Variants in MAGI1 observed in about 807,000 individuals in gnomAD.
The protein encoded by MAGI1 is membrane associated guanylate kinase, WW and PDZ domain containing 1, also known as membrane-associated guanylate kinase, WW and PDZ domain-containing protein 1.
In MAGI1, 58 loss-of-function variants were observed where a neutral mutation model predicts 139.9. The observed-to-expected ratio is 0.41, with a 90% CI of 0.34 to 0.52. The LOEUF (loss-of-function observed/expected upper bound fraction) is 0.52. MAGI1 is among the 20% of genes least tolerant of loss of function. The pLI is 0.12. For missense variants in MAGI1, 1,874 were observed against 1,901.6 expected (o/e 0.99, Z 0.27); for synonymous variants, 812 against 737.9 (o/e 1.10, Z -1.63).
chr3:65,449,613 A>T (rs1488784115), intron 6 of MAGI1, among the ~76,000 whole-genome samples: 1 of 152,040 alleles, frequency 6.6e-6, no homozygotes, highest in Non-Finnish European at 1.5e-5. Flanking sequence ...CGACTCTATT[A>T]AAAATACAAA....
At position 65,470,294 on chromosome 3, in the gene MAGI1, G is replaced by C. The variant is rs1950482055; in HGVS notation, c.948C>G (p.Val316=). The change falls in exon 5 of 23, where the codon GTC becomes GTG. Residue 316 remains valine (V), a synonymous_variant. Coordinates refer to ENST00000402939, the MANE Select transcript of MAGI1 (RefSeq NM_001033057.2). ...ATGGTATACTTTACTCTATAAAATA[G>C]ACTTCTCCATTTTCAGTATAGGCCA... ...WEMAYTENGE[V]YFIDHNTKTT... 4.4e-6 allele frequency: 7 copies of C among 1,604,074 alleles called. No homozygotes were observed. Among genetic ancestry groups the C allele is most frequent in the Non-Finnish European group, 6.0e-6 (7 of 1,171,084 alleles).
intron 1 of MAGI1, among the ~76,000 whole-genome samples, chr3:65,725,636 A>G (rs1176489541): frequency 6.6e-6 from 1 of 152,206 alleles, no homozygotes; most frequent in Admixed American, 6.5e-5. Context: ...AAAAGAAGAA[A>G]TGCAAGGGAC....
At chr3:65,721,572 T>G (rs1032557207) in intron 1 of MAGI1, among the ~76,000 whole-genome samples, 2 of 152,206 alleles carry the variant, frequency 1.3e-5, no homozygotes, top group African/African-American at 4.8e-5. Context: ...AGACAAAACT[T>G]AAGCACTGAC....
chr3:66,024,588 C>T (rs1373723223), intron 1 of MAGI1, among the ~76,000 whole-genome samples: 1 of 151,680 alleles, frequency 6.6e-6, no homozygotes, highest in East Asian at 1.9e-4. Flanking sequence ...GGGCGGATCA[C>T]CTGAGGTCGG....
intron 1 of MAGI1, among the ~76,000 whole-genome samples, chr3:65,707,313 C>T (rs1435152152): frequency 1.3e-5 from 2 of 152,134 alleles, no homozygotes; most frequent in Non-Finnish European, 2.9e-5. Context: ...AGAATCAAAC[C>T]ATGCAATTGA....
At chr3:65,389,616 C>G (rs551413679) in intron 14 of MAGI1, among the ~76,000 whole-genome samples, 1 of 152,314 alleles carries the variant, frequency 6.6e-6, no homozygotes, top group Admixed American at 6.5e-5. Flanking sequence ...GAAATCACTA[C>G]AGTGAGCGAG....
intron 1 of MAGI1, among the ~76,000 whole-genome samples, chr3:65,949,480 C>CTACA (rs2063694819): frequency 6.6e-6 from 1 of 152,214 alleles, no homozygotes; most frequent in Non-Finnish European, 1.5e-5. Flanking sequence ...TTTACCAAGA[C>CTACA]TACAATCCCT....
intron 13 of MAGI1, among the ~76,000 whole-genome samples, chr3:65,399,214 T>C (rs1033304816): frequency 1.2e-4 from 18 of 152,206 alleles, no homozygotes; most frequent in African/African-American, 4.1e-4. Context: ...TCCTGCATAA[T>C]TGACCTTATG....
rs182990522 is a variant in MAGI1, at chr3:65,610,660, A to G, written c.430+11312T>C. On this transcript the variant is annotated intron_variant, in intron 2 of 22. Transcript: ENST00000402939. ...CAGAAACTGCAACTCCAATAATTCT[A>G]TAAGGTCTGTTTGTAATCTTATCCT... is the stretch of plus-strand genomic sequence containing the variant. Among the ~76,000 whole-genome samples, 27 of 150,600 alleles carry G rather than the reference A, an allele frequency of 1.8e-4. No individual in the cohort carries two copies. The East Asian group carries it at 4.5e-3, about 25-fold the overall frequency.
chr3:65,863,100 T>C (rs1315704230), intron 1 of MAGI1, among the ~76,000 whole-genome samples: 1 of 152,160 alleles, frequency 6.6e-6, no homozygotes, highest in African/African-American at 2.4e-5. Flanking sequence ...ATCCTCAAAA[T>C]CTTTGCTCTC....
At chr3:65,463,617 G>GT (rs1409051282) in intron 5 of MAGI1, among the ~76,000 whole-genome samples, 1 of 145,220 alleles carries the variant, frequency 6.9e-6, no homozygotes, top group Non-Finnish European at 1.5e-5. Flanking sequence ...CCAGGTTTTG[G>GT]TATCAGGATG....
At chr3:65,954,486 C>A (rs1282694643) in intron 1 of MAGI1, 1 of 152,540 alleles carries the variant, frequency 6.6e-6, no homozygotes, top group Admixed American at 6.6e-5. Flanking sequence ...TGTGACACGG[C>A]GGATCCGGAA....
intron 1 of MAGI1, among the ~76,000 whole-genome samples, chr3:65,914,896 T>C (rs1366757967): frequency 6.6e-6 from 1 of 152,124 alleles, no homozygotes; most frequent in East Asian, 1.9e-4. Flanking sequence ...TCCCCATCTA[T>C]AAAATGAAGA....
At chr3:65,797,267 C>T (rs2040207788) in intron 1 of MAGI1, among the ~76,000 whole-genome samples, 1 of 152,034 alleles carries the variant, frequency 6.6e-6, no homozygotes, top group African/African-American at 2.4e-5. Context: ...AAACACTAGC[C>T]CAGTAAACAT....
chr3:65,999,198 G>C (rs1420250874), intron 1 of MAGI1, among the ~76,000 whole-genome samples: 4 of 152,114 alleles, frequency 2.6e-5, no homozygotes, highest in Non-Finnish European at 5.9e-5. Flanking sequence ...GCATGCATTA[G>C]CTATTTTTCC....
chr3:65,956,845 C>CA (rs1296338043), intron 1 of MAGI1, among the ~76,000 whole-genome samples: 6 of 151,478 alleles, frequency 4.0e-5, no homozygotes, highest in East Asian at 3.9e-4. Flanking sequence ...ATAAAAAATG[C>CA]AAAAAAATTA....
intron 12 of MAGI1, among the ~76,000 whole-genome samples, chr3:65,405,968 C>T (rs1302093957): frequency 6.6e-6 from 1 of 152,162 alleles, no homozygotes; most frequent in Non-Finnish European, 1.5e-5. Context: ...CCTCATGATC[C>T]ACCCACCTCA....
At chr3:65,523,471 G>A (rs1283466471) in intron 2 of MAGI1, among the ~76,000 whole-genome samples, 1 of 151,942 alleles carries the variant, frequency 6.6e-6, no homozygotes, top group African/African-American at 2.4e-5. Context: ...AGCAAAGAAT[G>A]CAAGAAAAAA....
chr3:65,741,461 G>A (rs548914163), intron 1 of MAGI1, among the ~76,000 whole-genome samples: 8 of 152,244 alleles, frequency 5.3e-5, no homozygotes, highest in East Asian at 1.9e-4. Flanking sequence ...GGCCTGAGCC[G>A]CCACGCCTGG....
Sources: allele counts gnomAD v4.1 joint callset (sites outside exome capture counted in the v4.1 genomes callset), GRCh38; gene constraint gnomAD v4.1.1; transcripts MANE v1.5; gene names NCBI Gene and HGNC (gene_info 2026-07-23, HGNC 2026-07-21).